The following PRKN variants were observed in gnomAD, a reference collection of about 807,000 sequenced individuals.
The protein encoded by PRKN is E3 ubiquitin-protein ligase parkin.
PRKN carries 56 observed loss-of-function variants against 59.5 expected under a neutral mutation model. The observed-to-expected ratio is 0.94, with a 90% CI of 0.76 to 1.18. The LOEUF (loss-of-function observed/expected upper bound fraction) is 1.18, where lower values mean the gene tolerates loss of function less well. Among genes scored for constraint, PRKN ranks in the 50% most tolerant of loss-of-function variants. The pLI is 0.00. For synonymous variants in PRKN, 250 were observed against 222.1 expected (o/e 1.13, Z -1.12); for missense variants, 657 against 596.4 (o/e 1.10, Z -1.06).
At chr6:161,804,927 T>G (rs1791243860) in intron 6 of PRKN, among the ~76,000 whole-genome samples, 1 of 152,214 alleles carries the variant, frequency 6.6e-6, no homozygotes, top group African/African-American at 2.4e-5. Context: ...ATTAATACTT[T>G]TATAGATAAG....
intron 6 of PRKN, among the ~76,000 whole-genome samples, chr6:161,814,335 A>G (rs549557602): frequency 6.6e-6 from 1 of 152,330 alleles, no homozygotes; most frequent in East Asian, 1.9e-4. Flanking sequence ...TGCTGTGACC[A>G]AAGAGGTTTC....
intron 7 of PRKN, among the ~76,000 whole-genome samples, chr6:161,688,559 G>A (rs1373434663): frequency 6.6e-6 from 1 of 152,188 alleles, no homozygotes; most frequent in African/African-American, 2.4e-5. Context: ...GATTGCTCTT[G>A]TTTCCATGGG....
At chr6:162,343,303 G>C (rs1784267877) in intron 2 of PRKN, among the ~76,000 whole-genome samples, 1 of 152,096 alleles carries the variant, frequency 6.6e-6, no homozygotes, top group Non-Finnish European at 1.5e-5. Flanking sequence ...TTTATATTAA[G>C]GCTAGGTTCT....
At chr6:162,400,457 C>CAAAAAAAAAAAAAAAA (rs3081908) in intron 2 of PRKN, among the ~76,000 whole-genome samples, 7 of 98,664 alleles carry the variant, frequency 7.1e-5, no homozygotes, top group African/African-American at 1.1e-4. Flanking sequence ...ATGTAAATAT[C>CAAAAAAAAAAAAAAAA]AAAAAAAAAA....
intron 6 of PRKN, among the ~76,000 whole-genome samples, chr6:161,897,516 G>A (rs1266673132): frequency 1.3e-5 from 2 of 152,176 alleles, no homozygotes; most frequent in Non-Finnish European, 2.9e-5. Context: ...ATAGTGGTTT[G>A]ATTGATTAGA....
chr6:161,860,291 T>G (rs1441508300), intron 6 of PRKN, among the ~76,000 whole-genome samples: 1 of 152,192 alleles, frequency 6.6e-6, no homozygotes, highest in East Asian at 1.9e-4. Context: ...GGTCCTTCTG[T>G]GAAGCACCTC....
At chr6:161,643,821 A>AT (rs1286397567) in intron 7 of PRKN, among the ~76,000 whole-genome samples, 1 of 152,226 alleles carries the variant, frequency 6.6e-6, no homozygotes, top group African/African-American at 2.4e-5. Flanking sequence ...CATATTAGGC[A>AT]TAATAATAAC....
At chr6:161,679,405 C>T (rs918553005) in intron 7 of PRKN, among the ~76,000 whole-genome samples, 5 of 152,050 alleles carry the variant, frequency 3.3e-5, no homozygotes, top group Admixed American at 6.6e-5. Context: ...CCTGGGACAG[C>T]GCGCCTCTGA....
At chr6:162,263,406 C>CAT (rs1779984100) in intron 2 of PRKN, 1 of 164,110 alleles carries the variant, frequency 6.1e-6, no homozygotes, top group Admixed American at 5.6e-5. Context: ...ACACACCGCT[C>CAT]CACGGGCACC....
intron 6 of PRKN, among the ~76,000 whole-genome samples, chr6:161,820,302 A>G (rs1227898039): frequency 1.3e-5 from 2 of 151,964 alleles, no homozygotes; most frequent in African/African-American, 4.8e-5. Flanking sequence ...ACAAACTGGT[A>G]ATATAATTCA....
intron 1 of PRKN, among the ~76,000 whole-genome samples, chr6:162,526,327 A>G (rs1368062181): frequency 6.6e-6 from 1 of 151,646 alleles, no homozygotes; most frequent in Non-Finnish European, 1.5e-5. Flanking sequence ...AAAAAAAAAA[A>G]AAAATCAGAA....
At chr6:162,546,260 G>A (rs571904209) in intron 1 of PRKN, among the ~76,000 whole-genome samples, 9 of 151,646 alleles carry the variant, frequency 5.9e-5, no homozygotes, top group Non-Finnish European at 8.8e-5. Flanking sequence ...TGCGCCACCA[G>A]GCCCAGCTAA....
At chr6:161,879,665 A>C (rs1794860557) in intron 6 of PRKN, among the ~76,000 whole-genome samples, 1 of 152,082 alleles carries the variant, frequency 6.6e-6, no homozygotes, top group African/African-American at 2.4e-5. Flanking sequence ...ATTTCTATGA[A>C]ATTGAAGGGA....
rs922322648 is a variant in PRKN at position 161,396,598 on chromosome 6, T to G, written c.1084-9721A>C. Among the ~76,000 whole-genome samples, 10 of 152,208 alleles carry G rather than the reference T, an allele frequency of 6.6e-5. No individual in the cohort carries two copies. Among genetic ancestry groups the G allele is most frequent in the African/African-American group, 2.2e-4 (9 of 41,430 alleles). Reference sequence around the variant, plus strand: ...TTAGTAAAACGCACAGCATATGTCTTCTATAATTTTTAACTGGTCCCTAAT... The same window carrying G: ...TTAGTAAAACGCACAGCATATGTCTGCTATAATTTTTAACTGGTCCCTAAT... On this transcript the variant is annotated intron_variant, in intron 9 of 11. Transcript: ENST00000366898. The surrounding 1 kb of genome is among the most constrained non-coding windows in gnomAD (Gnocchi z 5.4).
rs1784655845 is a variant in PRKN at position 161,353,928 on chromosome 6, C to T, written c.1286-3717G>A. 6.6e-6 allele frequency among the ~76,000 whole-genome samples: 1 copy of T among 152,210 alleles called. No homozygotes were observed. On this transcript the variant is annotated intron_variant, in intron 11 of 11. Transcript: ENST00000366898. This position sits in a 1 kb window ranked among gnomAD's most constrained non-coding sequence, Gnocchi z 4.8. Reference sequence around the variant, plus strand: ...TGGTGCGTGGGGAAAAACCCCCGCACATTCCGTCACAGAAGTCTTCTGTGC... The same window carrying T: ...TGGTGCGTGGGGAAAAACCCCCGCATATTCCGTCACAGAAGTCTTCTGTGC...
At chr6:161,490,382 T>C (rs1338349638) in intron 9 of PRKN, among the ~76,000 whole-genome samples, 11 of 94,572 alleles carry the variant, frequency 1.2e-4, no homozygotes, top group Admixed American at 7.7e-4. Flanking sequence ...TCTTTCTTTC[T>C]TTCCTTTTTT....
At chr6:161,624,140 C>A (rs1056105208) in intron 7 of PRKN, among the ~76,000 whole-genome samples, 5 of 152,190 alleles carry the variant, frequency 3.3e-5, no homozygotes, top group Non-Finnish European at 7.3e-5. Flanking sequence ...ACAAATTTCT[C>A]TTTTGCTTTC....
At chr6:162,203,289 T>C (rs1212419779) in intron 3 of PRKN, among the ~76,000 whole-genome samples, 1 of 152,172 alleles carries the variant, frequency 6.6e-6, no homozygotes, top group Non-Finnish European at 1.5e-5. Flanking sequence ...TGCCAATGTC[T>C]GTGCCCTAGA....
rs969598589 is a variant in PRKN at position 161,388,560 on chromosome 6, A to G, written c.1084-1683T>C. Among the ~76,000 whole-genome samples the G allele has an allele frequency of 5.3e-5, 8 of 152,180 alleles. No homozygotes were observed. The highest frequency in any genetic ancestry group is 1.2e-4 in the Non-Finnish European group (8 of 68,030). On this transcript the variant is annotated intron_variant, in intron 9 of 11. Transcript: ENST00000366898. This position sits in a 1 kb window ranked among gnomAD's most constrained non-coding sequence, Gnocchi z 4.3. ...GGTCTTAGAGCATAGAGGCAAACTG[A>G]CAGTATCCTCTTTCCCTTGAGAGGT... is the stretch of plus-strand genomic sequence containing the variant.
Sources: gnomAD v4.1 joint callset for allele counts (sites outside exome capture counted in the v4.1 genomes callset) on GRCh38, gnomAD v4.1.1 for gene constraint, Gnocchi (gnomAD v3.1) non-coding constraint, MANE v1.5 for transcripts, NCBI Gene and HGNC (gene_info 2026-07-23, HGNC 2026-07-21) for gene names.